Variants in NCK2 observed in about 807,000 individuals in gnomAD.
The protein encoded by NCK2 is NCK adaptor protein 2.
In NCK2, 16 loss-of-function variants were observed where a neutral mutation model predicts 33.9. The observed-to-expected ratio is 0.47, with a 90% confidence interval of 0.32 to 0.72. NCK2 has a LOEUF of 0.72. Ranked by LOEUF, NCK2 falls within the 30% of genes least tolerant of loss-of-function variation. The probability of loss-of-function intolerance (pLI) is 0.03; values close to 1 mark genes in which losing one functional copy is unlikely to be tolerated. For missense variants in NCK2, 418 were observed against 537.3 expected (o/e 0.78, Z 2.19); for synonymous variants, 273 against 239.9 (o/e 1.14, Z -1.27).
At chr2:105,801,710 G>A (rs73949310) in intron 1 of NCK2, among the ~76,000 whole-genome samples, 1,674 of 152,050 alleles carry the variant, frequency 0.011, 31 homozygotes, top group African/African-American at 0.038. Flanking sequence ...GGGTGTTTGG[G>A]GACAGAGTGG....
At chr2:105,853,522 G>A (rs1189017318) in intron 2 of NCK2, among the ~76,000 whole-genome samples, 2 of 152,176 alleles carry the variant, frequency 1.3e-5, no homozygotes, top group African/African-American at 2.4e-5. Flanking sequence ...AAAATCCTGT[G>A]CTTCACCCTT....
intron 2 of NCK2, among the ~76,000 whole-genome samples, chr2:105,821,070 G>T (rs144121024): frequency 3.9e-5 from 6 of 152,268 alleles, no homozygotes; most frequent in Admixed American, 2.6e-4. Context: ...CCATAAAAAC[G>T]CTATCCAGTA....
intron 1 of NCK2, among the ~76,000 whole-genome samples, chr2:105,748,023 G>A (rs1689343508): frequency 6.6e-6 from 1 of 152,174 alleles, no homozygotes; most frequent in Middle Eastern, 3.2e-3. Context: ...GTAAATGAAC[G>A]TTAGCAAGTA....
At chr2:105,773,389 A>G (rs1011912104) in intron 1 of NCK2, among the ~76,000 whole-genome samples, 1 of 151,872 alleles carries the variant, frequency 6.6e-6, no homozygotes, top group African/African-American at 2.4e-5. Flanking sequence ...CCATCAGTCC[A>G]TGCACCTTTG....
At chr2:105,761,716 A>G (rs1689768886) in intron 1 of NCK2, among the ~76,000 whole-genome samples, 1 of 152,144 alleles carries the variant, frequency 6.6e-6, no homozygotes, top group Non-Finnish European at 1.5e-5. Context: ...TGTCTCTACA[A>G]GAAATACAAA....
At chr2:105,857,524 TA>T (rs1677328779) in intron 3 of NCK2, among the ~76,000 whole-genome samples, 1 of 152,236 alleles carries the variant, frequency 6.6e-6, no homozygotes. Flanking sequence ...CTGTGCTGAG[TA>T]GGTCAGATCC....
At chr2:105,880,304 T>A (rs1489837088) in intron 3 of NCK2, among the ~76,000 whole-genome samples, 1 of 152,208 alleles carries the variant, frequency 6.6e-6, no homozygotes, top group African/African-American at 2.4e-5. Context: ...GATCCACTAG[T>A]GGGCTTTGAA....
chr2:105,806,513 C>T (rs1460188201), intron 1 of NCK2, among the ~76,000 whole-genome samples: 1 of 152,236 alleles, frequency 6.6e-6, no homozygotes, highest in Non-Finnish European at 1.5e-5. Context: ...GCTGGGATTA[C>T]AGGCGTGAGC....
intron 2 of NCK2, among the ~76,000 whole-genome samples, chr2:105,820,394 T>G (rs1675679851): frequency 6.6e-6 from 1 of 152,138 alleles, no homozygotes; most frequent in South Asian, 2.1e-4. Flanking sequence ...CATTTCCCAG[T>G]TATTGGACAC....
chr2:105,881,892 C>A lies in NCK2; in HGVS notation c.791C>A (p.Ala264Glu). The change falls in exon 4 of 5, where the codon GCG becomes GAG. Residue 264 changes from alanine to glutamate, a missense_variant. Physicochemically the swap from Ala to Glu is moderately radical, Grantham distance 107. Transcript: ENST00000233154. Reference sequence around the variant, plus strand: ...AGTGACGGGCCTGCCCTGCACCCTGCGCACGCCCCACAGATAAGCTACACC... The same window carrying A: ...AGTGACGGGCCTGCCCTGCACCCTGAGCACGCCCCACAGATAAGCTACACC... ...VLSDGPALHP[A>E]HAPQISYTGP... The A allele has an allele frequency of 1.3e-6, 2 of 1,570,348 alleles. No individual in the cohort carries two copies. The highest frequency in any genetic ancestry group is 8.6e-7 in the Non-Finnish European group (1 of 1,158,354).
intron 3 of NCK2, among the ~76,000 whole-genome samples, chr2:105,862,618 C>T (rs1677583715): frequency 6.6e-6 from 1 of 152,070 alleles, no homozygotes; most frequent in Non-Finnish European, 1.5e-5. Flanking sequence ...AAATGAGAAA[C>T]CTCGGGAGTA....
chr2:105,859,416 G>A (rs558511597), intron 3 of NCK2, among the ~76,000 whole-genome samples: 1 of 152,268 alleles, frequency 6.6e-6, no homozygotes, highest in African/African-American at 2.4e-5. Context: ...TCTGCATCCA[G>A]CGTCACCTGC....
At chr2:105,779,265 C>G (rs1690408841) in intron 1 of NCK2, among the ~76,000 whole-genome samples, 1 of 146,420 alleles carries the variant, frequency 6.8e-6, no homozygotes, top group African/African-American at 2.6e-5. Context: ...CGAGATTGTG[C>G]CACTGCACTC....
At chr2:105,855,568 G>GTTTTTT in intron 3 of NCK2, 1 of 293,452 alleles carries the variant, frequency 3.4e-6, no homozygotes. Context: ...AACGTTAGAG[G>GTTTTTT]AGCCTGACTT....
At position 105,893,906 on chromosome 2, in the gene NCK2, TG is replaced by T. The variant is rs1209926273; in HGVS notation, c.*731del. The T allele has an allele frequency of 2.6e-5, 4 of 152,620 alleles. No individual in the cohort carries two copies. Among genetic ancestry groups the T allele is most frequent in the African/African-American group, 9.7e-5 (4 of 41,434 alleles). The allele number at this position is 152,620 out of a possible 1,614,324, so 9.5% of individuals were successfully genotyped here. ...TTTAATTCTCAAAGAAATATGTATCTGTAGCCGTTTGTTGACACTAATACAG... is the reference window on the plus strand; with the variant it reads ...TTTAATTCTCAAAGAAATATGTATCTTAGCCGTTTGTTGACACTAATACAG... On this transcript the variant is annotated 3_prime_UTR_variant, in exon 5 of 5. Coordinates refer to ENST00000233154, the MANE Select transcript of NCK2 (RefSeq NM_003581.5).
intron 1 of NCK2, among the ~76,000 whole-genome samples, chr2:105,780,312 GGA>G (rs898158145): frequency 7.9e-5 from 10 of 126,322 alleles, no homozygotes; most frequent in Admixed American, 3.4e-4. Context: ...CCATAATATG[GGA>G]GAGAGATATA....
intron 1 of NCK2, among the ~76,000 whole-genome samples, chr2:105,771,383 A>G (rs1280309990): frequency 1.3e-5 from 2 of 152,006 alleles, no homozygotes; most frequent in East Asian, 2.0e-4. Flanking sequence ...CCTGACCAAC[A>G]TAGTGAATCC....
At chr2:105,770,883 T>C (rs1265772409) in intron 1 of NCK2, among the ~76,000 whole-genome samples, 1 of 151,862 alleles carries the variant, frequency 6.6e-6, no homozygotes, top group Admixed American at 6.6e-5. Flanking sequence ...GCAATTCTGA[T>C]GTTAATATCA....
At chr2:105,777,118 G>A (rs1395618259) in intron 1 of NCK2, among the ~76,000 whole-genome samples, 2 of 151,916 alleles carry the variant, frequency 1.3e-5, no homozygotes, top group Non-Finnish European at 2.9e-5. Flanking sequence ...TGCTGCTGCC[G>A]CCGAGCAGGA....
Sources: allele counts gnomAD v4.1 joint callset (sites outside exome capture counted in the v4.1 genomes callset), GRCh38; gene constraint gnomAD v4.1.1; transcripts MANE v1.5; gene names NCBI Gene and HGNC (gene_info 2026-07-23, HGNC 2026-07-21).